Variants in FOXP2 observed in about 807,000 individuals in gnomAD.
FOXP2 encodes the protein forkhead box protein P2.
FOXP2 carries 12 observed loss-of-function variants against 115.8 expected under a neutral mutation model. The observed-to-expected ratio is 0.10, with a 90% CI of 0.07 to 0.17. The LOEUF is 0.17. Ranked by LOEUF, FOXP2 falls within the 10% of genes least tolerant of loss-of-function variation. The pLI is 1.00. For synonymous variants in FOXP2, 328 were observed against 297.7 expected (o/e 1.10, Z -1.05); for missense variants, 629 against 843.5 (o/e 0.75, Z 3.15).
chr7:114,588,034 G>T (rs1234951153), intron 3 of FOXP2, among the ~76,000 whole-genome samples: 4 of 151,788 alleles, frequency 2.6e-5, no homozygotes, highest in South Asian at 2.1e-4. Context: ...TTAAGGCCGG[G>T]CATGGTGGCT....
chr7:114,588,806 T>A lies in FOXP2; in HGVS notation c.259-39734T>A, dbSNP rs556964967. 2.0e-5 allele frequency among the ~76,000 whole-genome samples: 3 copies of A among 152,334 alleles called. No individual in the cohort carries two copies. The East Asian group carries it at 5.8e-4, about 29-fold the overall frequency. On this transcript the variant is annotated intron_variant, in intron 3 of 16. Transcript: ENST00000350908. ...CTAAACCAGAGCAATGTCTTCTTCC[T>A]GCCAACTAACTGATTGCTTCCACTG...
chr7:114,447,609 G>C (rs200083969), intron 2 of FOXP2, among the ~76,000 whole-genome samples: 1 of 151,872 alleles, frequency 6.6e-6, no homozygotes, highest in Non-Finnish European at 1.5e-5. Context: ...AGTACCCCAC[G>C]CTAACATTTT....
At chr7:114,297,192 G>T in intron 2 of FOXP2, 1 of 488,280 alleles carries the variant, frequency 2.0e-6, no homozygotes, top group Non-Finnish European at 4.0e-6. Flanking sequence ...GCGTGGATGT[G>T]TCCCCACCCT....
chr7:114,619,696 T>C (rs1055863429), intron 3 of FOXP2, among the ~76,000 whole-genome samples: 2 of 152,070 alleles, frequency 1.3e-5, no homozygotes, highest in African/African-American at 4.8e-5. Context: ...CAAATTATTC[T>C]TTTCCGATTT....
intron 2 of FOXP2, among the ~76,000 whole-genome samples, chr7:114,397,972 C>A (rs1450065382): frequency 2.6e-5 from 4 of 151,792 alleles, no homozygotes; most frequent in South Asian, 2.1e-4. Context: ...AGAGAGAAAT[C>A]GAAGATTAAG....
intron 3 of FOXP2, among the ~76,000 whole-genome samples, chr7:114,598,950 G>C (rs988562613): frequency 6.6e-6 from 1 of 152,086 alleles, no homozygotes; most frequent in Admixed American, 6.6e-5. Context: ...AAGCAACACT[G>C]CAAAATTCCC....
chr7:114,581,857 G>A (rs540440801), intron 3 of FOXP2, among the ~76,000 whole-genome samples: 2 of 152,272 alleles, frequency 1.3e-5, no homozygotes, highest in African/African-American at 4.8e-5. Flanking sequence ...TGAAATGTGG[G>A]TTTAAGACTG....
intron 2 of FOXP2, among the ~76,000 whole-genome samples, chr7:114,393,130 G>A (rs961843960): frequency 1.1e-4 from 16 of 152,048 alleles, no homozygotes; most frequent in African/African-American, 2.9e-4. Flanking sequence ...TCAGGGTGAT[G>A]TGCAATTCAA....
At chr7:114,681,445 A>G (rs1169311899) in intron 16 of FOXP2, among the ~76,000 whole-genome samples, 1 of 152,128 alleles carries the variant, frequency 6.6e-6, no homozygotes, top group Non-Finnish European at 1.5e-5. Flanking sequence ...TATTATCAGA[A>G]CTTCATAAGC....
chr7:114,451,076 CTAA>C (rs1795053745), intron 2 of FOXP2, among the ~76,000 whole-genome samples: 1 of 152,010 alleles, frequency 6.6e-6, no homozygotes, highest in African/African-American at 2.4e-5. Flanking sequence ...TAATCATCAA[CTAA>C]TGTTTTTTAT....
intron 3 of FOXP2, among the ~76,000 whole-genome samples, chr7:114,620,163 T>C (rs1180684926): frequency 1.3e-5 from 2 of 152,008 alleles, no homozygotes; most frequent in Admixed American, 6.6e-5. Context: ...GTGATTTAAA[T>C]TGCTGAAACA....
intron 3 of FOXP2, among the ~76,000 whole-genome samples, chr7:114,596,932 GA>G (rs1298230942): frequency 6.6e-6 from 1 of 152,038 alleles, no homozygotes; most frequent in Non-Finnish European, 1.5e-5. Flanking sequence ...ACTCATTAGT[GA>G]CTTTTCTTTA....
Position 114,400,686 on chromosome 7 carries a change from C to T in FOXP2, c.-10-25816C>T, listed in dbSNP as rs553927512. 2.0e-5 allele frequency among the ~76,000 whole-genome samples: 3 copies of T among 152,230 alleles called. No individual in the cohort carries two copies. The South Asian group carries it at 6.2e-4, about 32-fold the overall frequency. On this transcript the variant is annotated intron_variant, in intron 2 of 17. Transcript: ENST00000634411. ...AGGCATTAAATTCTCAGAAGGAGCA[C>T]ACAACCTAGATTCCTAGCATGCACA... is the stretch of plus-strand genomic sequence containing the variant.
intron 2 of FOXP2, among the ~76,000 whole-genome samples, chr7:114,385,953 T>C (rs1436654804): frequency 2.0e-5 from 3 of 152,188 alleles, no homozygotes; most frequent in African/African-American, 4.8e-5. Context: ...ATAGCTCTAT[T>C]AGAAGCCGTG....
chr7:114,365,562 A>T (rs1394864159), intron 2 of FOXP2, among the ~76,000 whole-genome samples: 2 of 152,142 alleles, frequency 1.3e-5, no homozygotes, highest in East Asian at 1.9e-4. Context: ...TCATTGTATG[A>T]TTTTTTTACA....
intron 1 of FOXP2, among the ~76,000 whole-genome samples, chr7:114,176,298 T>TTCTTTCTTTCTTTCTTTCTTTCTCTCTC (rs368923204): frequency 1.3e-3 from 98 of 76,544 alleles, no homozygotes; most frequent in African/African-American, 5.0e-3. Flanking sequence ...CTTTCTTTCT[T>TTCTTTCTTTCTTTCTTTCTTTCTCTCTC]TCTCTCTCTC....
chr7:114,391,564 A>C (rs930453749), intron 2 of FOXP2, among the ~76,000 whole-genome samples: 3 of 152,248 alleles, frequency 2.0e-5, no homozygotes, highest in African/African-American at 7.2e-5. Context: ...TGGTGTCTGC[A>C]GAAACTGCCA....
At chr7:114,208,861 C>G (rs1050634800) in intron 1 of FOXP2, among the ~76,000 whole-genome samples, 1 of 152,130 alleles carries the variant, frequency 6.6e-6, no homozygotes, top group African/African-American at 2.4e-5. Flanking sequence ...TCCCCAGCCA[C>G]GTGGAACTGA....
intron 2 of FOXP2, among the ~76,000 whole-genome samples, chr7:114,526,195 A>AG (rs1554410538): frequency 2.0e-5 from 3 of 147,118 alleles, no homozygotes; most frequent in African/African-American, 7.5e-5. Flanking sequence ...AAAAAAAAAA[A>AG]GGGCCGGACG....
Sources: gnomAD v4.1 joint callset for allele counts (sites outside exome capture counted in the v4.1 genomes callset) on GRCh38, gnomAD v4.1.1 for gene constraint, MANE v1.5 for transcripts, NCBI Gene and HGNC (gene_info 2026-07-23, HGNC 2026-07-21) for gene names.